MTDH: variants seen among roughly 807,000 people sequenced by gnomAD.
The protein encoded by MTDH is protein LYRIC.
Under a neutral mutation model 72.7 loss-of-function variants are expected in MTDH, and 34 were observed. That is an observed-to-expected ratio of 0.47 (90% CI 0.36 to 0.62). The LOEUF (loss-of-function observed/expected upper bound fraction) is 0.62. MTDH is among the 20% of genes least tolerant of loss of function. MTDH has a pLI of 0.00. For missense variants in MTDH, 677 were observed against 699.4 expected (o/e 0.97, Z 0.36); for synonymous variants, 266 against 268.9 (o/e 0.99, Z 0.10).
chr8:97,665,841 A>T (rs1812361066), intron 2 of MTDH, among the ~76,000 whole-genome samples: 1 of 152,222 alleles, frequency 6.6e-6, no homozygotes, highest in African/African-American at 2.4e-5. Context: ...GATTGTAAAG[A>T]TCTGGCCGGG....
rs189904114 is a variant in MTDH, at chr8:97,683,167, C to T, written c.484-3501C>T. On this transcript the variant is annotated intron_variant, in intron 2 of 11. Transcript: ENST00000336273. The stretch of plus-strand genomic sequence containing the variant: ...GCAACCTCTGCCTCCCAGATTCAAG[C>T]GATTCTACTGCCTCAGCCTCCCGAG... 2.6e-3 allele frequency among the ~76,000 whole-genome samples: 375 copies of T among 142,322 alleles called. 3 individuals carry two copies. The highest frequency in any genetic ancestry group is 9.4e-3 in the African/African-American group (356 of 37,726). 93.4% of individuals were successfully genotyped at this position (142,322 alleles called of 152,430 possible).
intron 4 of MTDH, among the ~76,000 whole-genome samples, chr8:97,688,217 A>G (rs1813441685): frequency 6.6e-6 from 1 of 152,194 alleles, no homozygotes; most frequent in Non-Finnish European, 1.5e-5. Context: ...TGGAGACACC[A>G]GTCTGCAAAG....
chr8:97,663,161 C>T (rs945688910), intron 2 of MTDH, among the ~76,000 whole-genome samples: 14 of 152,216 alleles, frequency 9.2e-5, no homozygotes, highest in Non-Finnish European at 1.2e-4. Context: ...CCTGCTTCTA[C>T]TCCCTGAATT....
At chr8:97,695,654 A>G (rs1813807286) in intron 6 of MTDH, among the ~76,000 whole-genome samples, 1 of 152,208 alleles carries the variant, frequency 6.6e-6, no homozygotes, top group Admixed American at 6.5e-5. Context: ...AAATGTCTTG[A>G]AAATATTGAG....
chr8:97,706,847 T>G, intron 8 of MTDH, 97 bp downstream of exon 8: 1 of 1,377,786 alleles, frequency 7.3e-7, no homozygotes, highest in Non-Finnish European at 9.6e-7. Context: ...TGGGAGGTAC[T>G]GTGGGAGGAT....
chr8:97,684,552 C>T (rs1813281643), intron 2 of MTDH, among the ~76,000 whole-genome samples: 1 of 152,150 alleles, frequency 6.6e-6, no homozygotes, highest in South Asian at 2.1e-4. Context: ...TGTGGTTGCT[C>T]CAAAACCCTG....
intron 6 of MTDH, 73 bp downstream of exon 6, chr8:97,691,261 G>GA (rs965507514): frequency 1.3e-3 from 1,392 of 1,082,764 alleles, no homozygotes; most frequent in Middle Eastern, 2.0e-3. Flanking sequence ...TTCAGAAATA[G>GA]AAAAAAAAAC....
chr8:97,703,436 G>A (rs1814218004), intron 7 of MTDH, among the ~76,000 whole-genome samples: 1 of 152,148 alleles, frequency 6.6e-6, no homozygotes, highest in African/African-American at 2.4e-5. Flanking sequence ...AAGAAAATGG[G>A]TGACATGTTG....
intron 2 of MTDH, among the ~76,000 whole-genome samples, chr8:97,677,440 G>C (rs181954655): frequency 1.3e-5 from 2 of 149,150 alleles, no homozygotes; most frequent in African/African-American, 2.5e-5. Context: ...GCAGTGAGCT[G>C]AGATCATGCC....
chr8:97,644,546 G>A lies in MTDH; in HGVS notation c.40G>A (p.Ala14Thr). The change falls in exon 1 of 12, where the codon GCC becomes ACC. Residue 14 changes from alanine to threonine, a missense_variant. Transcript: ENST00000336273. ...RSWQDELAQQ[A>T]EEGSARLREM... ...CTGGCAGGACGAGCTGGCCCAGCAG[G>A]CCGAGGAGGGCTCGGCCCGGCTGCG... 6.2e-7 allele frequency: 1 copy of A among 1,600,030 alleles called. No individual in the cohort carries two copies. Among genetic ancestry groups the A allele is most frequent in the South Asian group, 1.1e-5 (1 of 89,600 alleles).
chr8:97,696,000 A>C (rs899790959), intron 6 of MTDH, among the ~76,000 whole-genome samples: 1 of 152,218 alleles, frequency 6.6e-6, no homozygotes, highest in African/African-American at 2.4e-5. Flanking sequence ...AAAACTGCCT[A>C]GCAAAGTTTC....
In MTDH at chr8:97,713,701, C is replaced by A; in HGVS notation, c.1312C>A (p.Pro438Thr). ...DDKEKGEGAL[P>T]TGKSKKKKKK... ...TAAAGAAAAGGGAGAGGGAGCTCTTCCAACTGGGAAATCCAAAAAGAAAAA... is the reference window on the plus strand; with the variant it reads ...TAAAGAAAAGGGAGAGGGAGCTCTTACAACTGGGAAATCCAAAAAGAAAAA... The change falls in exon 9 of 12, where the codon CCA (proline) becomes ACA (threonine). Residue 438 changes from proline to threonine, a missense_variant. By Grantham distance (38) the Pro-to-Thr change is conservative. Coordinates refer to ENST00000336273, the MANE Select transcript of MTDH (RefSeq NM_178812.4). 2 of 1,608,098 alleles carry A rather than the reference C, an allele frequency of 1.2e-6. No homozygotes were observed. Among genetic ancestry groups the A allele is most frequent in the South Asian group, 1.1e-5 (1 of 89,852 alleles).
chr8:97,654,491 T>C (rs774040301), intron 1 of MTDH, among the ~76,000 whole-genome samples: 3 of 152,192 alleles, frequency 2.0e-5, no homozygotes, highest in Non-Finnish European at 4.4e-5. Context: ...TAAGACTGTC[T>C]TATAGTCTAA....
chr8:97,695,403 C>T lies in MTDH; in HGVS notation c.1048+4215C>T, dbSNP rs921136822. Among the ~76,000 whole-genome samples the T allele has an allele frequency of 3.8e-4, 58 of 152,132 alleles. 1 individual carries two copies. The highest frequency in any genetic ancestry group is 1.3e-3 in the African/African-American group (55 of 41,422). On this transcript the variant is annotated intron_variant, in intron 6 of 11. Transcript: ENST00000336273. ...CTGGGTTTAGAGGCATGAGCCACTC[C>T]GCCCAGCCTACAATTTACTTGTAAA...
chr8:97,649,099 C>T (rs1394365175), intron 1 of MTDH, among the ~76,000 whole-genome samples: 1 of 152,178 alleles, frequency 6.6e-6, no homozygotes, highest in Non-Finnish European at 1.5e-5. Flanking sequence ...TTCAGTACAG[C>T]AACATGCTGT....
rs1031131416 is a variant in MTDH at position 97,682,051 on chromosome 8, T to C, written c.484-4617T>C. 6.6e-5 allele frequency among the ~76,000 whole-genome samples: 10 copies of C among 151,326 alleles called. 1 individual carries two copies. The highest frequency in any genetic ancestry group is 2.2e-4 in the African/African-American group (9 of 41,162). On this transcript the variant is annotated intron_variant, in intron 2 of 11. Transcript: ENST00000336273. The stretch of plus-strand genomic sequence containing the variant: ...ACTGTGGTAACAAGGAAGCCAGAGC[T>C]TTATGCTACCAGCTTCCTTCAAAAG...
chr8:97,647,075 G>A (rs963824292), intron 1 of MTDH, among the ~76,000 whole-genome samples: 2 of 152,140 alleles, frequency 1.3e-5, no homozygotes, highest in African/African-American at 4.8e-5. Flanking sequence ...ACAAGCTGCC[G>A]TTTGGTACTC....
chr8:97,689,727 A>G (rs1813508981), intron 5 of MTDH, among the ~76,000 whole-genome samples: 1 of 147,656 alleles, frequency 6.8e-6, no homozygotes, highest in African/African-American at 2.5e-5. Context: ...TTTTTTGGGA[A>G]ATGGAATTTC....
At chr8:97,691,893 T>G (rs1272703559) in intron 6 of MTDH, among the ~76,000 whole-genome samples, 1 of 152,124 alleles carries the variant, frequency 6.6e-6, no homozygotes, top group Admixed American at 6.6e-5. Context: ...TGTTTGTTTG[T>G]TTTTTTAATG....
Sources: gnomAD v4.1 joint callset for allele counts (sites outside exome capture counted in the v4.1 genomes callset) on GRCh38, gnomAD v4.1.1 for gene constraint, MANE v1.5 for transcripts, NCBI Gene and HGNC (gene_info 2026-07-23, HGNC 2026-07-21) for gene names.